Variants in DHH observed in about 807,000 individuals in gnomAD.
DHH encodes desert hedgehog protein.
Under a neutral mutation model 27.6 loss-of-function variants are expected in DHH, and 16 were observed. That is an observed-to-expected ratio of 0.58 (90% CI 0.39 to 0.88). The LOEUF (loss-of-function observed/expected upper bound fraction) is 0.88, where lower values mean the gene tolerates loss of function less well. Among genes scored for constraint, DHH ranks in the 40% least tolerant of loss-of-function variants. DHH has a pLI of 0.00. For missense variants in DHH, 436 were observed against 563.1 expected, an observed-to-expected ratio of 0.77 and a Z score of 2.28; for synonymous variants, 289 against 263.4, an observed-to-expected ratio of 1.10 and a Z score of -0.94.
At position 49,087,393 on chromosome 12, in the gene DHH, T is replaced by G. The variant is rs1327994751; in HGVS notation, c.*2466A>C. Among the ~76,000 whole-genome samples the G allele has an allele frequency of 6.6e-6, 1 of 152,166 alleles. No homozygotes were observed. The highest frequency in any genetic ancestry group is 1.5e-5 in the Non-Finnish European group (1 of 68,024). On this transcript the variant is annotated 3_prime_UTR_variant, in exon 3 of 3. Transcript: ENST00000649637. ...GCTAGGAATCATCACCATTATGATT[T>G]TATGGTTAAAGGTTAAAACTGTAAG... is the stretch of plus-strand genomic sequence containing the variant.
intron 1 of DHH, chr12:49,092,168 T>G: frequency 6.6e-6 from 1 of 152,336 alleles, no homozygotes; most frequent in South Asian, 2.1e-4. Flanking sequence ...CCCTGCTCCG[T>G]CCGGGTAGGT....
In DHH at chr12:49,091,371, TCAC is replaced by T; in HGVS notation, c.319_321del (p.Val107del). ...TTCATCACGGCAATGGCCAAAGCGT[TCAC>T]CCGCTCCTTACAACGCTGGCGGGGA... is the stretch of plus-strand genomic sequence containing the variant. On this transcript the variant is annotated inframe_deletion, in exon 2 of 3. Transcript: ENST00000649637. This position sits in a 1 kb window ranked among gnomAD's most constrained non-coding sequence, Gnocchi z 4.8. 6.2e-7 allele frequency: 1 copy of T among 1,614,176 alleles called. No individual in the cohort carries two copies. The highest frequency in any genetic ancestry group is 8.5e-7 in the Non-Finnish European group (1 of 1,180,020).
At position 49,091,234 on chromosome 12, in the gene DHH, G is replaced by A. The variant is rs1375214836; in HGVS notation, c.459C>T (p.Asp153=). 2.5e-6 allele frequency: 4 copies of A among 1,614,246 alleles called. No homozygotes were observed. Among genetic ancestry groups the A allele is most frequent in the Non-Finnish European group, 3.4e-6 (4 of 1,180,052 alleles). ...GCAACCCATACTTGTTGCGGTCGCGGTCAGACGTAGTGATGTCCAAAGCAC... is the reference window on the plus strand; with the variant it reads ...GCAACCCATACTTGTTGCGGTCGCGATCAGACGTAGTGATGTCCAAAGCAC... ...EGRALDITTS[D]RDRNKYGLLA... The change falls in exon 2 of 3, where the codon GAC becomes GAT. Residue 153 remains aspartate (D), a synonymous_variant. Coordinates refer to ENST00000649637, the MANE Select transcript of DHH (RefSeq NM_021044.4). This position sits in a 1 kb window ranked among gnomAD's most constrained non-coding sequence, Gnocchi z 4.8.
At position 49,089,698 on chromosome 12, in the gene DHH, C is replaced by G. The variant is rs1939259816; in HGVS notation, c.*161G>C. On this transcript the variant is annotated 3_prime_UTR_variant, in exon 3 of 3. Coordinates refer to ENST00000649637, the MANE Select transcript of DHH (RefSeq NM_021044.4). Reference sequence around the variant, plus strand: ...TACCTAGGACCCGGTATCACCTCCTCTCAGTACGAGGTTGCCCCTAAGCCA... The same window carrying G: ...TACCTAGGACCCGGTATCACCTCCTGTCAGTACGAGGTTGCCCCTAAGCCA... The G allele has an allele frequency of 1.1e-6, 1 of 931,058 alleles. No individual in the cohort carries two copies. The highest frequency in any genetic ancestry group is 2.2e-5 in the South Asian group (1 of 45,420). The allele number at this position is 931,058 out of a possible 1,614,324, so 57.7% of individuals were successfully genotyped here. A position where few individuals can be genotyped will look rare whatever the true frequency, so the allele number is the denominator to read the frequency against.
chr12:49,094,125 A>G, intron 1 of DHH, 85 bp downstream of exon 1: 1 of 1,470,524 alleles, frequency 6.8e-7, no homozygotes, highest in Admixed American at 1.7e-5. Context: ...TCTGTAGGTG[A>G]AGCTGGACTC....
Position 49,094,585 on chromosome 12 carries a change from C to T in DHH, c.-73G>A. On this transcript the variant is annotated 5_prime_UTR_variant, in exon 1 of 3. It adds an upstream start codon to the 5' untranslated region. Coordinates refer to ENST00000649637, the MANE Select transcript of DHH (RefSeq NM_021044.4). ...CTCTCCTGTCAGTTAGGCATCTCCA[C>T]AGGCACCAGAGAGGGCAGCAGGCAC... is the stretch of plus-strand genomic sequence containing the variant. 6.6e-7 allele frequency: 1 copy of T among 1,506,100 alleles called. No homozygotes were observed. Among genetic ancestry groups the T allele is most frequent in the African/African-American group, 1.4e-5 (1 of 72,174 alleles). The allele number at this position is 1,506,100 out of a possible 1,614,324, so 93.3% of individuals were successfully genotyped here. A position where few individuals can be genotyped will look rare whatever the true frequency, so the allele number is the denominator to read the frequency against.
At position 49,091,621 on chromosome 12, in the gene DHH, A is replaced by G. The variant is rs1057052903; in HGVS notation, c.304-232T>C. On this transcript the variant is annotated intron_variant, in intron 1 of 2. Transcript: ENST00000649637. The surrounding 1 kb of genome is among the most constrained non-coding windows in gnomAD (Gnocchi z 4.8). Reference sequence around the variant, plus strand: ...TCTGAGGTTGAGAGGGGGTGCCCATACCTAGCTCCTTCCCCATTTTTAATG... The same window carrying G: ...TCTGAGGTTGAGAGGGGGTGCCCATGCCTAGCTCCTTCCCCATTTTTAATG... Among the ~76,000 whole-genome samples the G allele has an allele frequency of 6.6e-6, 1 of 152,082 alleles. No homozygotes were observed. Among genetic ancestry groups the G allele is most frequent in the African/African-American group, 2.4e-5 (1 of 41,408 alleles).
Position 49,089,177 on chromosome 12 carries a change from G to A in DHH, c.*682C>T, listed in dbSNP as rs530122435. Among the ~76,000 whole-genome samples the A allele has an allele frequency of 1.3e-5, 2 of 152,372 alleles. No homozygotes were observed. Among genetic ancestry groups the A allele is most frequent in the East Asian group, 3.9e-4 (2 of 5,188 alleles). ...GTCTTTCCCACCTGGGACAACCCTG[G>A]ACCCTTCAGCCGCAGGAGCGAAATG... On this transcript the variant is annotated 3_prime_UTR_variant, in exon 3 of 3. Transcript: ENST00000649637.
Position 49,090,250 on chromosome 12 carries a change from A to G in DHH, c.800T>C (p.Leu267Pro), listed in dbSNP as rs1939273228. Reference sequence around the variant, plus strand: ...GGCAAACACCAGGTGCCAGGGCGTGAGCAACAGTTTGCGTGGAGGCCACTC... The same window carrying G: ...GGCAAACACCAGGTGCCAGGGCGTGGGCAACAGTTTGCGTGGAGGCCACTC... ...ETEWPPRKLL[L>P]TPWHLVFAAR... The change falls in exon 3 of 3, where the codon CTC becomes CCC. Residue 267 changes from leucine to proline, a missense_variant. Coordinates refer to ENST00000649637, the MANE Select transcript of DHH (RefSeq NM_021044.4). This position sits in a 1 kb window ranked among gnomAD's most constrained non-coding sequence, Gnocchi z 5.2. 6.4e-7 allele frequency: 1 copy of G among 1,565,892 alleles called. No homozygotes were observed. The highest frequency in any genetic ancestry group is 8.7e-7 in the Non-Finnish European group (1 of 1,155,994).
rs1939234245 is a variant in DHH at position 49,087,941 on chromosome 12, G to A, written c.*1918C>T. ...CCGGAAAAACAAAGGTGGCAACAGA[G>A]CCTCAGTGTGGGTTGAGGGCAGCAG... is the stretch of plus-strand genomic sequence containing the variant. On this transcript the variant is annotated 3_prime_UTR_variant, in exon 3 of 3. Coordinates refer to ENST00000649637, the MANE Select transcript of DHH (RefSeq NM_021044.4). 6.6e-6 allele frequency among the ~76,000 whole-genome samples: 1 copy of A among 152,174 alleles called. No homozygotes were observed.
intron 1 of DHH, among the ~76,000 whole-genome samples, chr12:49,093,602 C>T (rs901820853): frequency 5.3e-5 from 8 of 152,054 alleles, no homozygotes; most frequent in African/African-American, 1.9e-4. Context: ...ACTTTTTAAC[C>T]CCAAGATTAT....
chr12:49,094,413 G>A lies in DHH; in HGVS notation c.100C>T (p.Arg34Cys). The change falls in exon 1 of 3, where the codon CGC becomes TGC. Residue 34 changes from arginine (R) to cysteine (C), a missense_variant. Physicochemically the swap from Arg to Cys is radical, Grantham distance 180. Transcript: ENST00000649637. The part of the protein sequence containing the change: ...GPGRGPVGRR[R>C]YARKQLVPLL... Reference sequence around the variant, plus strand: ...GGCACGAGCTGCTTGCGCGCATAGCGGCGCCGGCCAACCGGCCCCCGGCCC... The same window carrying A: ...GGCACGAGCTGCTTGCGCGCATAGCAGCGCCGGCCAACCGGCCCCCGGCCC... 6.2e-7 allele frequency: 1 copy of A among 1,610,594 alleles called. No individual in the cohort carries two copies.
Position 49,090,699 on chromosome 12 carries a change from G to GTATGTATA in DHH, c.566-216_566-215insTATACATA, listed in dbSNP as rs1939285611. Among the ~76,000 whole-genome samples, 1 of 150,046 alleles carries GTATGTATA rather than the reference G, an allele frequency of 6.7e-6. No homozygotes were observed. Among genetic ancestry groups the GTATGTATA allele is most frequent in the East Asian group, 2.0e-4 (1 of 5,064 alleles). On this transcript the variant is annotated intron_variant, in intron 2 of 2. Transcript: ENST00000649637. This position sits in a 1 kb window ranked among gnomAD's most constrained non-coding sequence, Gnocchi z 5.2. ...TGTATGTATGTATGTATGTATGTAT[G>GTATGTATA]TATGTATGTATGTATTTTGAGATAG...
intron 1 of DHH, among the ~76,000 whole-genome samples, chr12:49,093,810 G>A (rs1413700592): frequency 6.6e-6 from 1 of 152,050 alleles, no homozygotes; most frequent in African/African-American, 2.4e-5. Flanking sequence ...CTACAATCAG[G>A]TCAGGAGCCA....
At position 49,091,785 on chromosome 12, in the gene DHH, A is replaced by G. The variant is rs976431160; in HGVS notation, c.304-396T>C. On this transcript the variant is annotated intron_variant, in intron 1 of 2. Coordinates refer to ENST00000649637, the MANE Select transcript of DHH (RefSeq NM_021044.4). This position sits in a 1 kb window ranked among gnomAD's most constrained non-coding sequence, Gnocchi z 4.8. ...CCTGTTTGAGCCTGGCCCCCGCCCC[A>G]GGCACCGGCTCCCCTCCCTCCGCCT... Among the ~76,000 whole-genome samples the G allele has an allele frequency of 6.6e-6, 1 of 152,118 alleles. No homozygotes were observed. Among genetic ancestry groups the G allele is most frequent in the Non-Finnish European group, 1.5e-5 (1 of 68,018 alleles).
rs1231087933 is a variant in DHH at position 49,094,345 on chromosome 12, G to T, written c.168C>A (p.Thr56=). The T allele has an allele frequency of 1.2e-6, 2 of 1,612,960 alleles. No homozygotes were observed. Among genetic ancestry groups the T allele is most frequent in the Non-Finnish European group, 8.5e-7 (1 of 1,179,926 alleles). ...CCTCCGCTGGCCCACTGGCGCCCAG[G>T]GTCCGCTCTGGCACGCCGGGCACAA... is the stretch of plus-strand genomic sequence containing the variant. ...KQFVPGVPER[T]LGASGPAEGR... Residue 56 remains threonine (T), a synonymous_variant, in exon 1 of 3, where the codon ACC becomes ACA. Coordinates refer to ENST00000649637, the MANE Select transcript of DHH (RefSeq NM_021044.4).
In DHH at chr12:49,094,606, G is replaced by GT; in HGVS notation, c.-95_-94insA. On this transcript the variant is annotated 5_prime_UTR_variant, in exon 1 of 3. Transcript: ENST00000649637. ...TCCACAGGCACCAGAGAGGGCAGCAGGCACAGCTGCCCCCAGAGTGCCCTA... is the reference window on the plus strand; with the variant it reads ...TCCACAGGCACCAGAGAGGGCAGCAGTGCACAGCTGCCCCCAGAGTGCCCTA... 4 of 1,409,768 alleles carry GT rather than the reference G, an allele frequency of 2.8e-6. No homozygotes were observed. The highest frequency in any genetic ancestry group is 3.9e-6 in the Non-Finnish European group (4 of 1,021,298). 87.3% of individuals were successfully genotyped at this position (1,409,768 alleles called of 1,614,324 possible).
rs1383111773 is a variant in DHH, at chr12:49,094,405, C to T, written c.108G>A (p.Ala36=). The part of the protein sequence containing the change: ...GRGPVGRRRY[A]RKQLVPLLYK... ...AGAGTAGCGGCACGAGCTGCTTGCG[C>T]GCATAGCGGCGCCGGCCAACCGGCC... The change falls in exon 1 of 3, where the codon GCG becomes GCA. Residue 36 remains alanine, a synonymous_variant. Coordinates refer to ENST00000649637, the MANE Select transcript of DHH (RefSeq NM_021044.4). 3 of 1,611,102 alleles carry T rather than the reference C, an allele frequency of 1.9e-6. No homozygotes were observed. Among genetic ancestry groups the T allele is most frequent in the East Asian group, 4.5e-5 (2 of 44,822 alleles).
chr12:49,094,077 T>C lies in DHH; in HGVS notation c.303+133A>G, dbSNP rs375850302. The C allele has an allele frequency of 3.9e-4, 405 of 1,036,334 alleles. 2 individuals carry two copies. The African/African-American group carries it at 6.0e-3, about 15-fold the overall frequency. The allele number at this position is 1,036,334 out of a possible 1,614,324, so 64.2% of individuals were successfully genotyped here. On this transcript the variant is annotated intron_variant, in intron 1 of 2. Transcript: ENST00000649637. Reference sequence around the variant, plus strand: ...AGACTGCAAGGATTTTTCCCCCCCCTGGGGCTGGTGACAAGGGAAATCTCT... The same window carrying C: ...AGACTGCAAGGATTTTTCCCCCCCCCGGGGCTGGTGACAAGGGAAATCTCT...
Sources: allele counts gnomAD v4.1 joint callset (sites outside exome capture counted in the v4.1 genomes callset), GRCh38; gene constraint gnomAD v4.1.1; non-coding constraint Gnocchi (gnomAD v3.1); transcripts MANE v1.5; gene names NCBI Gene and HGNC (gene_info 2026-07-23, HGNC 2026-07-21).